Variants in EGLN1 observed in about 807,000 individuals in gnomAD.
EGLN1 encodes egl nine homolog 1.
Under a neutral mutation model 38.3 loss-of-function variants are expected in EGLN1, and 17 were observed. That is an observed-to-expected ratio of 0.44 (90% CI 0.30 to 0.67). EGLN1 has a LOEUF of 0.67. EGLN1 is among the 30% of genes least tolerant of loss of function. The pLI is 0.08. For missense variants in EGLN1, 477 were observed against 603.3 expected (o/e 0.79, Z 2.19); for synonymous variants, 283 against 257.5 (o/e 1.10, Z -0.95).
chr1:231,417,159 T>C (rs1018677617), intron 1 of EGLN1, among the ~76,000 whole-genome samples: 1 of 152,182 alleles, frequency 6.6e-6, no homozygotes, highest in African/African-American at 2.4e-5. Context: ...TTAGTGATAA[T>C]AAAACAGCTG....
At chr1:231,412,609 G>A (rs1047568416) in intron 1 of EGLN1, among the ~76,000 whole-genome samples, 1 of 152,190 alleles carries the variant, frequency 6.6e-6, no homozygotes, top group African/African-American at 2.4e-5. Context: ...GGTTCCACTG[G>A]TAGAGCTGAT....
intron 1 of EGLN1, among the ~76,000 whole-genome samples, chr1:231,395,658 T>C (rs1286819130): frequency 1.3e-5 from 2 of 152,218 alleles, no homozygotes; most frequent in Non-Finnish European, 2.9e-5. Flanking sequence ...TGTATTTCCC[T>C]TGAAATTTAA....
At chr1:231,375,971 G>A (rs960470285) in intron 1 of EGLN1, among the ~76,000 whole-genome samples, 1 of 152,122 alleles carries the variant, frequency 6.6e-6, no homozygotes, top group Non-Finnish European at 1.5e-5. Context: ...CATCTCTTGT[G>A]TAAAGAAGGA....
chr1:231,380,867 C>T (rs1036781949), intron 1 of EGLN1, among the ~76,000 whole-genome samples: 1 of 152,146 alleles, frequency 6.6e-6, no homozygotes, highest in Non-Finnish European at 1.5e-5. Context: ...TCTTCAACTG[C>T]TTGCTCATAT....
In EGLN1 at chr1:231,367,621, AAC is replaced by A. The variant is rs1687686383; in HGVS notation, c.1162_1163del (p.Val388LeufsTer4). On this transcript the variant is annotated frameshift_variant, in exon 4 of 5. Coordinates refer to ENST00000366641, the MANE Select transcript of EGLN1 (RefSeq NM_022051.3). LOFTEE classifies it high-confidence loss of function. ...PAYATRYAIT[V>X]WYFDADERAR... The stretch of plus-strand genomic sequence containing the variant: ...CTCTCTCATCTGCATCAAAATACCA[AAC>A]AGTTATTGCGTACCTAAAAGAAAAT... The A allele has an allele frequency of 6.2e-7, 1 of 1,613,876 alleles. No homozygotes were observed. The highest frequency in any genetic ancestry group is 1.7e-5 in the Admixed American group (1 of 60,000).
chr1:231,397,067 T>C lies in EGLN1; in HGVS notation c.892-22968A>G, dbSNP rs766330690. On this transcript the variant is annotated intron_variant, in intron 1 of 4. Coordinates refer to ENST00000366641, the MANE Select transcript of EGLN1 (RefSeq NM_022051.3). ...AACTATTCTCCACACTCCATTCAAGTTAGTTTTCTAAAATTAAAATCTGAT... is the reference window on the plus strand; with the variant it reads ...AACTATTCTCCACACTCCATTCAAGCTAGTTTTCTAAAATTAAAATCTGAT... 3.0e-4 allele frequency among the ~76,000 whole-genome samples: 45 copies of C among 152,338 alleles called. 1 individual carries two copies. Among genetic ancestry groups the C allele is most frequent in the Middle Eastern group, 6.8e-3 (2 of 294 alleles).
chr1:231,411,218 A>C (rs1688934446), intron 1 of EGLN1, among the ~76,000 whole-genome samples: 1 of 152,070 alleles, frequency 6.6e-6, no homozygotes, highest in Admixed American at 6.5e-5. Context: ...CATGATAGTG[A>C]GTTCTCATGA....
At chr1:231,390,123 A>G (rs929848884) in intron 1 of EGLN1, among the ~76,000 whole-genome samples, 7 of 152,380 alleles carry the variant, frequency 4.6e-5, no homozygotes, top group African/African-American at 1.7e-4. Context: ...TAACAATAGT[A>G]TACCACATGC....
intron 1 of EGLN1, among the ~76,000 whole-genome samples, chr1:231,415,414 G>A (rs1689054853): frequency 6.6e-6 from 1 of 151,910 alleles, no homozygotes; most frequent in South Asian, 2.1e-4. Flanking sequence ...ATCTCTCTGG[G>A]ACTTTTTTCT....
intron 1 of EGLN1, among the ~76,000 whole-genome samples, chr1:231,383,627 A>T (rs1688126815): frequency 6.6e-6 from 1 of 152,218 alleles, no homozygotes; most frequent in East Asian, 1.9e-4. Context: ...ATGCAAATAG[A>T]AAAACTGTTG....
rs114189211 is a variant in EGLN1, at chr1:231,390,551, C to T, written c.892-16452G>A. 6.3e-3 allele frequency among the ~76,000 whole-genome samples: 952 copies of T among 152,290 alleles called. 8 individuals carry two copies. Among genetic ancestry groups the T allele is most frequent in the African/African-American group, 0.021 (878 of 41,556 alleles). ...CCTAAGTGGTCAGATAGACTGTGAACCCAAGGTTGTTGGACTCTATATTCC... is the reference window on the plus strand; with the variant it reads ...CCTAAGTGGTCAGATAGACTGTGAATCCAAGGTTGTTGGACTCTATATTCC... On this transcript the variant is annotated intron_variant, in intron 1 of 4. Coordinates refer to ENST00000366641, the MANE Select transcript of EGLN1 (RefSeq NM_022051.3).
chr1:231,395,957 C>T (rs1282739492), intron 1 of EGLN1, among the ~76,000 whole-genome samples: 3 of 151,438 alleles, frequency 2.0e-5, no homozygotes, highest in South Asian at 2.1e-4. Context: ...TCACACCCAA[C>T]GCACCGCTTT....
At chr1:231,410,896 A>G (rs1364595756) in intron 1 of EGLN1, among the ~76,000 whole-genome samples, 1 of 151,772 alleles carries the variant, frequency 6.6e-6, no homozygotes. Flanking sequence ...CTAAAAAGCA[A>G]TTTTCAAGGC....
At chr1:231,390,302 G>A (rs992684902) in intron 1 of EGLN1, among the ~76,000 whole-genome samples, 3 of 152,126 alleles carry the variant, frequency 2.0e-5, no homozygotes, top group Non-Finnish European at 2.9e-5. Context: ...TACCTCACAG[G>A]GGTATGAATC....
chr1:231,380,168 A>G (rs1323557040), intron 1 of EGLN1, among the ~76,000 whole-genome samples: 4 of 152,190 alleles, frequency 2.6e-5, no homozygotes, highest in Non-Finnish European at 5.9e-5. Context: ...GAGTACAGAG[A>G]GAAGAGAACA....
chr1:231,393,427 C>G (rs942771702), intron 1 of EGLN1, among the ~76,000 whole-genome samples: 9 of 152,146 alleles, frequency 5.9e-5, no homozygotes, highest in Non-Finnish European at 1.2e-4. Context: ...AGATCTAGTT[C>G]CTAATCTTGT....
rs750205790 is a variant in EGLN1, at chr1:231,421,721, G to A, written c.168C>T (p.Leu56=). ...HQRQDWKKHK[L]VCQGSEGALG... ...GGGCGCCCTCGCTGCCCTGGCACAC[G>A]AGCTTGTGCTTCTTCCAGTCCTGAC... The change falls in exon 1 of 5, where the codon CTC becomes CTT. Residue 56 remains leucine, a synonymous_variant. Transcript: ENST00000366641. This position sits in a 1 kb window ranked among gnomAD's most constrained non-coding sequence, Gnocchi z 5.5. The A allele has an allele frequency of 5.6e-5, 86 of 1,529,672 alleles. No homozygotes were observed. In the Middle Eastern group the frequency reaches 1.2e-3, roughly 21 times the overall value. 94.8% of individuals were successfully genotyped at this position (1,529,672 alleles called of 1,614,324 possible). A position where few individuals can be genotyped will look rare whatever the true frequency, so the allele number is the denominator to read the frequency against.
chr1:231,372,009 A>G (rs930985978), intron 2 of EGLN1, among the ~76,000 whole-genome samples: 1 of 152,164 alleles, frequency 6.6e-6, no homozygotes, highest in African/African-American at 2.4e-5. Flanking sequence ...GCAAACATCT[A>G]AAGAACCTCC....
chr1:231,417,190 T>C (rs1689105562), intron 1 of EGLN1, among the ~76,000 whole-genome samples: 1 of 151,616 alleles, frequency 6.6e-6, no homozygotes, highest in Admixed American at 6.6e-5. Flanking sequence ...ATCCTATTCT[T>C]TGCTCTAAAA....
Sources: allele counts gnomAD v4.1 joint callset (sites outside exome capture counted in the v4.1 genomes callset), GRCh38; gene constraint gnomAD v4.1.1; non-coding constraint Gnocchi (gnomAD v3.1); transcripts MANE v1.5; gene names NCBI Gene and HGNC (gene_info 2026-07-23, HGNC 2026-07-21).